FOXP2: variants seen among roughly 807,000 people sequenced by gnomAD.
FOXP2 encodes forkhead box P2, also known as forkhead box protein P2.
FOXP2 carries 12 observed loss-of-function variants against 115.8 expected under a neutral mutation model. The observed-to-expected ratio is 0.10, with a 90% CI of 0.07 to 0.17. The LOEUF is 0.17. FOXP2 is among the 10% of genes least tolerant of loss of function. The pLI is 1.00. For synonymous variants in FOXP2, 328 were observed against 297.7 expected, an observed-to-expected ratio of 1.10 and a Z score of -1.05; for missense variants, 629 against 843.5, an observed-to-expected ratio of 0.75 and a Z score of 3.15.
intron 15 of FOXP2, among the ~76,000 whole-genome samples, chr7:114,663,838 GT>G (rs1203701080): frequency 3.9e-5 from 6 of 152,138 alleles, no homozygotes; most frequent in African/African-American, 1.4e-4. Context: ...ACATCATAGT[GT>G]TGGGGAACAT....
At chr7:114,495,068 G>A (rs1223196183) in intron 2 of FOXP2, among the ~76,000 whole-genome samples, 1 of 152,078 alleles carries the variant, frequency 6.6e-6, no homozygotes, top group African/African-American at 2.4e-5. Flanking sequence ...CTACAGAGAG[G>A]GCATGAAAGT....
intron 2 of FOXP2, among the ~76,000 whole-genome samples, chr7:114,441,514 T>C (rs1226250310): frequency 6.6e-6 from 1 of 152,166 alleles, no homozygotes; most frequent in Non-Finnish European, 1.5e-5. Context: ...TCAATGATTT[T>C]AAATAAATAA....
intron 2 of FOXP2, among the ~76,000 whole-genome samples, chr7:114,383,800 AG>A (rs1178329778): frequency 6.6e-6 from 1 of 152,154 alleles, no homozygotes; most frequent in African/African-American, 2.4e-5. Context: ...ATCTGAAAAA[AG>A]AACATAAGGA....
In FOXP2 at chr7:114,298,116, C is replaced by T. The variant is rs940715644; in HGVS notation, c.-11+10007C>T. On this transcript the variant is annotated intron_variant, in intron 2 of 17. Transcript: ENST00000634411. Reference sequence around the variant, plus strand: ...GAAATCGTGTGTCAGGAAAAGTTTTCTCAAAATGAGGAGAGCATTACATGG... The same window carrying T: ...GAAATCGTGTGTCAGGAAAAGTTTTTTCAAAATGAGGAGAGCATTACATGG... Among the ~76,000 whole-genome samples, 3 of 152,208 alleles carry T rather than the reference C, an allele frequency of 2.0e-5. No individual in the cohort carries two copies. In the South Asian group the frequency reaches 6.2e-4, roughly 32 times the overall value.
At chr7:114,578,356 A>G (rs932927997) in intron 3 of FOXP2, among the ~76,000 whole-genome samples, 1 of 152,070 alleles carries the variant, frequency 6.6e-6, no homozygotes, top group Non-Finnish European at 1.5e-5. Flanking sequence ...CTTAACATCT[A>G]TTTTCATCCT....
chr7:114,377,995 A>G (rs1311683743), intron 2 of FOXP2, among the ~76,000 whole-genome samples: 2 of 152,116 alleles, frequency 1.3e-5, no homozygotes, highest in African/African-American at 4.8e-5. Flanking sequence ...AGTAGTCTCT[A>G]CAACTCATCT....
chr7:114,548,801 G>A (rs1167284503), intron 3 of FOXP2, among the ~76,000 whole-genome samples: 1 of 152,126 alleles, frequency 6.6e-6, no homozygotes, highest in Non-Finnish European at 1.5e-5. Flanking sequence ...GTAAGCAGTG[G>A]AACAAACACT....
chr7:114,400,372 G>C (rs1792857597), intron 2 of FOXP2, among the ~76,000 whole-genome samples: 1 of 151,920 alleles, frequency 6.6e-6, no homozygotes, highest in African/African-American at 2.4e-5. Flanking sequence ...TTAATCTTTT[G>C]ACTTTAAATA....
chr7:114,565,873 G>A (rs1800996486), intron 3 of FOXP2, among the ~76,000 whole-genome samples: 1 of 152,162 alleles, frequency 6.6e-6, no homozygotes, highest in Admixed American at 6.6e-5. Flanking sequence ...CTCCAAACAA[G>A]AGAACAACTT....
At chr7:114,423,397 G>A (rs1425967394) in intron 1 of FOXP2, among the ~76,000 whole-genome samples, 4 of 151,440 alleles carry the variant, frequency 2.6e-5, no homozygotes, top group African/African-American at 9.7e-5. Context: ...AGGAAAGGAA[G>A]GAAAACTTAA....
intron 1 of FOXP2, among the ~76,000 whole-genome samples, chr7:114,170,657 A>G (rs558572368): frequency 6.6e-6 from 1 of 152,334 alleles, no homozygotes; most frequent in East Asian, 1.9e-4. Flanking sequence ...TGGAGAAAAG[A>G]TCAAGCCAGC....
At chr7:114,259,220 A>G (rs1162255171) in intron 1 of FOXP2, among the ~76,000 whole-genome samples, 1 of 152,210 alleles carries the variant, frequency 6.6e-6, no homozygotes, top group Non-Finnish European at 1.5e-5. Context: ...ATGAAAAGCA[A>G]CAGAATTCAA....
chr7:114,506,941 C>T (rs141127905), intron 2 of FOXP2, among the ~76,000 whole-genome samples: 20 of 151,470 alleles, frequency 1.3e-4, no homozygotes, highest in African/African-American at 4.1e-4. Flanking sequence ...TAAATGTCTT[C>T]GTAGAATATT....
At chr7:114,329,990 C>T (rs1797661246) in intron 2 of FOXP2, among the ~76,000 whole-genome samples, 1 of 152,038 alleles carries the variant, frequency 6.6e-6, no homozygotes, top group Admixed American at 6.6e-5. Context: ...TTCAGTTTTT[C>T]TTTTAGTTGT....
intron 1 of FOXP2, among the ~76,000 whole-genome samples, chr7:114,140,016 G>A (rs1792160359): frequency 6.6e-6 from 1 of 152,142 alleles, no homozygotes; most frequent in Non-Finnish European, 1.5e-5. Flanking sequence ...AGGAGGCTAA[G>A]GTGGGAGAAT....
At chr7:114,254,489 T>C (rs960654975) in intron 1 of FOXP2, among the ~76,000 whole-genome samples, 1 of 152,216 alleles carries the variant, frequency 6.6e-6, no homozygotes, top group Non-Finnish European at 1.5e-5. Flanking sequence ...ACTTTGTTCA[T>C]TTCTTTTTAC....
rs1406980241 is a variant in FOXP2 at position 114,676,941 on chromosome 7, T to C, written c.2003+12505T>C. ...TGTTAACAGCATTTGTTGACATTTG[T>C]CATAAATGAGGTCAGGAGATTGAGA... On this transcript the variant is annotated intron_variant, in intron 16 of 16. Coordinates refer to ENST00000350908, the MANE Select transcript of FOXP2 (RefSeq NM_014491.4). 2.0e-5 allele frequency among the ~76,000 whole-genome samples: 3 copies of C among 152,108 alleles called. No individual in the cohort carries two copies. In the East Asian group the frequency reaches 5.8e-4, roughly 29 times the overall value.
upstream of FOXP2, among the ~76,000 whole-genome samples, chr7:114,412,927 T>G (rs918831982): frequency 1.3e-5 from 2 of 152,138 alleles, no homozygotes; most frequent in Non-Finnish European, 2.9e-5. Flanking sequence ...ATGCAAATAT[T>G]TTACTTAAAA....
At chr7:114,376,151 C>G (rs979570284) in intron 2 of FOXP2, among the ~76,000 whole-genome samples, 2 of 152,108 alleles carry the variant, frequency 1.3e-5, no homozygotes, top group Non-Finnish European at 2.9e-5. Flanking sequence ...GAGGTAGGTA[C>G]TTTCTTTTAA....
Sources: gnomAD v4.1 joint callset for allele counts (sites outside exome capture counted in the v4.1 genomes callset) on GRCh38, gnomAD v4.1.1 for gene constraint, MANE v1.5 for transcripts, NCBI Gene and HGNC (gene_info 2026-07-23, HGNC 2026-07-21) for gene names.